The following MCRIP1 variants were observed in gnomAD, a reference collection of about 807,000 sequenced individuals.
MCRIP1 encodes mapk-regulated corepressor-interacting protein 1.
MCRIP1 carries 10 observed loss-of-function variants against 14.4 expected under a neutral mutation model. The ratio of observed to expected loss-of-function variants is 0.70; its 90% confidence interval spans 0.43 to 1.18. MCRIP1 has a LOEUF of 1.18. Among genes scored for constraint, MCRIP1 ranks in the 50% most tolerant of loss-of-function variants. The pLI is 0.00. For synonymous variants in MCRIP1, 53 were observed against 55.7 expected (o/e 0.95, Z 0.21); for missense variants, 119 against 135.4 (o/e 0.88, Z 0.60).
At chr17:81,828,827 A>G (rs1019078145) in intron 1 of MCRIP1, among the ~76,000 whole-genome samples, 13 of 152,334 alleles carry the variant, frequency 8.5e-5, no homozygotes, top group Non-Finnish European at 1.5e-5. Flanking sequence ...CTGGAGGTCA[A>G]GCAAGCTCTG....
At chr17:81,824,682 C>T in intron 1 of MCRIP1, 128 bp from the exon 2 acceptor site, 1 of 1,477,532 alleles carries the variant, frequency 6.8e-7, no homozygotes, top group East Asian at 2.5e-5. Context: ...CCTCTGCCTA[C>T]CAGGGTGTCC....
chr17:81,827,836 A>G (rs1207546790), intron 1 of MCRIP1, among the ~76,000 whole-genome samples: 1 of 132,022 alleles, frequency 7.6e-6, no homozygotes, highest in Non-Finnish European at 1.5e-5. Context: ...GGTGGAGTGC[A>G]GTGGCGCGAT....
chr17:81,824,211 G>T, intron 3 of MCRIP1, 76 bp downstream of exon 3: 1 of 1,214,812 alleles, frequency 8.2e-7, no homozygotes, highest in Non-Finnish European at 1.2e-6. Flanking sequence ...GTTCCTCGGA[G>T]CGTGGGTCCT....
At chr17:81,826,736 T>G (rs1598251822) in intron 1 of MCRIP1, 3 of 241,716 alleles carry the variant, frequency 1.2e-5, no homozygotes, top group African/African-American at 2.4e-5. Flanking sequence ...GGAGAATCGC[T>G]TGAACCCGGG....
chr17:81,826,588 G>A, intron 1 of MCRIP1: 1 of 565,986 alleles, frequency 1.8e-6, no homozygotes, highest in Non-Finnish European at 3.1e-6. Context: ...GGGAGGCAGA[G>A]GCGGGTGGAT....
chr17:81,831,533 G>A (rs1317995103), intron 1 of MCRIP1, among the ~76,000 whole-genome samples: 1 of 152,130 alleles, frequency 6.6e-6, no homozygotes, highest in Non-Finnish European at 1.5e-5. Flanking sequence ...AAGCACTGGG[G>A]ACTGAAAGAA....
intron 1 of MCRIP1, among the ~76,000 whole-genome samples, chr17:81,830,043 T>C (rs1218132609): frequency 6.6e-6 from 1 of 152,250 alleles, no homozygotes; most frequent in African/African-American, 2.4e-5. Context: ...ACAGGCCACC[T>C]GCAAGTCTGT....
chr17:81,829,046 G>A (rs901177200), intron 1 of MCRIP1, among the ~76,000 whole-genome samples: 11 of 152,224 alleles, frequency 7.2e-5, no homozygotes, highest in Non-Finnish European at 1.5e-4. Flanking sequence ...GGGTCCCTGA[G>A]GTGGTGGATG....
chr17:81,829,689 T>C (rs1375225387), intron 1 of MCRIP1, among the ~76,000 whole-genome samples: 1 of 152,204 alleles, frequency 6.6e-6, no homozygotes, highest in Admixed American at 6.5e-5. Context: ...GACACTCTCC[T>C]GGCCCAGGAC....
At chr17:81,829,739 G>A (rs755798315) in intron 1 of MCRIP1, among the ~76,000 whole-genome samples, 1 of 152,132 alleles carries the variant, frequency 6.6e-6, no homozygotes, top group Non-Finnish European at 1.5e-5. Flanking sequence ...GTCTTTAGGT[G>A]TTTTCTCCCC....
chr17:81,831,250 G>A (rs1471356174), intron 1 of MCRIP1, among the ~76,000 whole-genome samples: 1 of 151,330 alleles, frequency 6.6e-6, no homozygotes, highest in Non-Finnish European at 1.5e-5. Context: ...TGAGGCAGGA[G>A]AATCGCTTTA....
In MCRIP1 at chr17:81,822,432, T is replaced by C; in HGVS notation, c.*815A>G. The C allele has an allele frequency of 6.6e-6, 1 of 151,880 alleles. No individual in the cohort carries two copies. The highest frequency in any genetic ancestry group is 1.5e-5 in the Non-Finnish European group (1 of 68,198). The allele number at this position is 151,880 out of a possible 1,614,324, so 9.4% of individuals were successfully genotyped here. On this transcript the variant is annotated 3_prime_UTR_variant, in exon 5 of 5. Transcript: ENST00000455127. Reference sequence around the variant, plus strand: ...AGAGGCCACGCCCAGTGCCGCCGCCTTTATTCACAGACCCTCGAGCTCCAC... The same window carrying C: ...AGAGGCCACGCCCAGTGCCGCCGCCCTTATTCACAGACCCTCGAGCTCCAC...
chr17:81,832,888 GCT>G (rs2038548677), intron 1 of MCRIP1, among the ~76,000 whole-genome samples: 1 of 152,244 alleles, frequency 6.6e-6, no homozygotes, highest in South Asian at 2.1e-4. Context: ...GGAAAGCGGG[GCT>G]CTGTCAGCCC....
intron 1 of MCRIP1, chr17:81,826,318 C>A (rs957165901): frequency 6.5e-7 from 1 of 1,535,414 alleles, no homozygotes; most frequent in Non-Finnish European, 8.7e-7. Context: ...TACAACCGCC[C>A]GCACACACCT....
chr17:81,826,378 A>G lies in MCRIP1; in HGVS notation c.-48-1824T>C, dbSNP rs937575636. 7.8e-6 allele frequency: 12 copies of G among 1,535,244 alleles called. No homozygotes were observed. In the East Asian group the frequency reaches 2.7e-4, roughly 34 times the overall value. ...ATGCGGCACACACCCATATGAACAC[A>G]CCTGGTGTGGCAGCATGCACTTGTA... On this transcript the variant is annotated intron_variant, in intron 1 of 4. Transcript: ENST00000455127.
At chr17:81,833,193 C>CCCGCCCCGCCCCGTCCCCG (rs1401978938) in intron 1 of MCRIP1, 45 bp downstream of exon 1, 1 of 146,520 alleles carries the variant, frequency 6.8e-6, no homozygotes, top group African/African-American at 2.5e-5. Context: ...CCGCGCCCGC[C>CCCGCCCCGCCCCGTCCCCG]CCGCCCCGCC....
At chr17:81,825,183 G>C in intron 1 of MCRIP1, 2 of 1,042,782 alleles carry the variant, frequency 1.9e-6, no homozygotes, top group Non-Finnish European at 2.3e-6. Context: ...GGGCAGAGGG[G>C]GTGGCCCTGG....
In MCRIP1 at chr17:81,823,635, C is replaced by G; in HGVS notation, c.128-122G>C. The stretch of plus-strand genomic sequence containing the variant: ...TCCTCTTCTCCCTCAGAAGTGTCCT[C>G]CATGCTCCCCCACAGCCCTCTGCCC... On this transcript the variant is annotated intron_variant, in intron 3 of 4. Coordinates refer to ENST00000455127, the MANE Select transcript of MCRIP1 (RefSeq NM_207368.5). The surrounding 1 kb of genome is among the most constrained non-coding windows in gnomAD (Gnocchi z 6.0). 1.3e-6 allele frequency: 1 copy of G among 794,024 alleles called. No homozygotes were observed. The highest frequency in any genetic ancestry group is 1.6e-5 in the South Asian group (1 of 60,782). 49.2% of individuals were successfully genotyped at this position (794,024 alleles called of 1,614,324 possible). A position where few individuals can be genotyped will look rare whatever the true frequency, so the allele number is the denominator to read the frequency against.
At chr17:81,824,245 G>A (rs1229216033) in intron 3 of MCRIP1, 42 bp downstream of exon 3, 5 of 1,474,392 alleles carry the variant, frequency 3.4e-6, no homozygotes, top group Non-Finnish European at 4.6e-6. Context: ...AGCTGACTCC[G>A]TCAAGGACAG....
Sources: allele counts gnomAD v4.1 joint callset (sites outside exome capture counted in the v4.1 genomes callset), GRCh38; gene constraint gnomAD v4.1.1; non-coding constraint Gnocchi (gnomAD v3.1); transcripts MANE v1.5; gene names NCBI Gene and HGNC (gene_info 2026-07-23, HGNC 2026-07-21).